Variants in MBD5 observed in about 807,000 individuals in gnomAD.
MBD5 encodes methyl-CpG-binding domain protein 5.
MBD5 carries 13 observed loss-of-function variants against 117.3 expected under a neutral mutation model. The observed-to-expected ratio is 0.11, with a 90% CI of 0.07 to 0.18. The LOEUF (loss-of-function observed/expected upper bound fraction) is 0.18. Ranked by LOEUF, MBD5 falls within the 10% of genes least tolerant of loss-of-function variation. The pLI is 1.00. For synonymous variants in MBD5, 727 were observed against 766.4 expected (o/e 0.95, Z 0.85); for missense variants, 1,879 against 2,093.8 (o/e 0.90, Z 2.00).
chr2:148,403,731 A>T (rs1176044698), intron 4 of MBD5, among the ~76,000 whole-genome samples: 4 of 152,042 alleles, frequency 2.6e-5, no homozygotes, highest in Non-Finnish European at 4.4e-5. Context: ...GATTTTCCCA[A>T]ATCTACCTGC....
chr2:148,200,514 A>T (rs1338937619), intron 2 of MBD5, among the ~76,000 whole-genome samples: 1 of 151,712 alleles, frequency 6.6e-6, no homozygotes, highest in Non-Finnish European at 1.5e-5. Context: ...ACACAGTGAA[A>T]CTCCATCTCT....
chr2:148,494,359 G>C (rs966039646), intron 11 of MBD5, among the ~76,000 whole-genome samples: 1 of 151,896 alleles, frequency 6.6e-6, no homozygotes, highest in South Asian at 2.1e-4. Context: ...ACTTGAAAGC[G>C]TTTTAAAGCA....
intron 4 of MBD5, among the ~76,000 whole-genome samples, chr2:148,444,632 G>T (rs541043553): frequency 3.2e-4 from 49 of 151,178 alleles, no homozygotes; most frequent in Non-Finnish European, 5.1e-4. Context: ...CGAAGTTTCA[G>T]GTCTCCCACT....
chr2:148,364,792 C>G (rs1033963406), intron 4 of MBD5, among the ~76,000 whole-genome samples: 7 of 152,196 alleles, frequency 4.6e-5, no homozygotes, highest in Non-Finnish European at 1.0e-4. Flanking sequence ...GAAGAGCTAA[C>G]TATCCTAAAT....
intron 1 of MBD5, among the ~76,000 whole-genome samples, chr2:148,178,499 C>T (rs1469228702): frequency 6.6e-6 from 1 of 152,136 alleles, no homozygotes; most frequent in Non-Finnish European, 1.5e-5. Flanking sequence ...TTACGTTCCA[C>T]AAAATATTCT....
At position 148,483,875 on chromosome 2, in the gene MBD5, A is replaced by G. The variant is rs1342684867; in HGVS notation, c.3284A>G (p.Asn1095Ser). The G allele has an allele frequency of 3.1e-5, 48 of 1,550,452 alleles. No individual in the cohort carries two copies. The highest frequency in any genetic ancestry group is 4.1e-5 in the Non-Finnish European group (47 of 1,146,980). ...LNPQLLGGVLNSASANTANHP... is the reference protein window; with the variant it reads ...LNPQLLGGVLSSASANTANHP... ...CCCCAGCTGTTGGGAGGTGTCCTGA[A>G]CTCGGCATCGGCCAACACCGCTAAT... Residue 1095 changes from asparagine to serine, a missense_variant, in exon 9 of 14, where the codon AAC becomes AGC. Coordinates refer to ENST00000642680, the MANE Select transcript of MBD5 (RefSeq NM_001378120.1).
intron 4 of MBD5, among the ~76,000 whole-genome samples, chr2:148,422,395 C>T (rs574339517): frequency 1.3e-5 from 2 of 152,274 alleles, no homozygotes; most frequent in African/African-American, 4.8e-5. Context: ...TCAACATCAA[C>T]AAAAAGGAAA....
intron 4 of MBD5, among the ~76,000 whole-genome samples, chr2:148,417,111 A>G (rs1254105944): frequency 2.0e-5 from 3 of 151,932 alleles, no homozygotes. Flanking sequence ...ATGTGCAGGT[A>G]TCTTCTTGAC....
chr2:148,176,590 G>T (rs142096703), intron 1 of MBD5, among the ~76,000 whole-genome samples: 5,744 of 151,756 alleles, frequency 0.038, 121 homozygotes, highest in Middle Eastern at 0.068. Context: ...TGTATTTTTA[G>T]TAGAGACAGG....
chr2:148,326,581 C>G (rs1702458841), intron 3 of MBD5, among the ~76,000 whole-genome samples: 1 of 152,092 alleles, frequency 6.6e-6, no homozygotes, highest in Non-Finnish European at 1.5e-5. Flanking sequence ...ATCCCTTTAC[C>G]ATTGAGTAAT....
chr2:148,113,947 A>G (rs960412330), intron 1 of MBD5, among the ~76,000 whole-genome samples: 1 of 152,094 alleles, frequency 6.6e-6, no homozygotes, highest in Admixed American at 6.5e-5. Flanking sequence ...CTTTTCATCA[A>G]CAGTATATTG....
At chr2:148,359,051 C>G (rs1703458285) in intron 4 of MBD5, among the ~76,000 whole-genome samples, 3 of 151,706 alleles carry the variant, frequency 2.0e-5, no homozygotes, top group African/African-American at 7.3e-5. Context: ...CACCTGAGGT[C>G]AGGAGTTCAA....
chr2:148,230,057 G>A (rs1699944870), intron 2 of MBD5, among the ~76,000 whole-genome samples: 1 of 152,160 alleles, frequency 6.6e-6, no homozygotes. Context: ...CTGGGCTTCA[G>A]CCTGTGTTCA....
At chr2:148,123,702 G>C (rs1186527587) in intron 1 of MBD5, among the ~76,000 whole-genome samples, 1 of 152,190 alleles carries the variant, frequency 6.6e-6, no homozygotes, top group Non-Finnish European at 1.5e-5. Flanking sequence ...ATTCTGAATA[G>C]TTATGAGTTG....
chr2:148,380,191 T>C (rs1259706718), intron 4 of MBD5, among the ~76,000 whole-genome samples: 1 of 152,168 alleles, frequency 6.6e-6, no homozygotes, highest in Non-Finnish European at 1.5e-5. Context: ...TTATAAGCCT[T>C]TTTGTCCACT....
chr2:148,219,774 C>T (rs1228776247), intron 2 of MBD5, among the ~76,000 whole-genome samples: 11 of 152,168 alleles, frequency 7.2e-5, no homozygotes, highest in Non-Finnish European at 1.5e-4. Context: ...TACCTAACTT[C>T]ACATTATCCT....
intron 4 of MBD5, among the ~76,000 whole-genome samples, chr2:148,451,014 A>C (rs928351760): frequency 6.6e-6 from 1 of 152,126 alleles, no homozygotes; most frequent in Non-Finnish European, 1.5e-5. Flanking sequence ...ACTTTCCTAC[A>C]TCATTATGAT....
intron 9 of MBD5, 147 bp downstream of exon 9, chr2:148,484,282 A>G: frequency 1.5e-6 from 1 of 655,198 alleles, no homozygotes; most frequent in Non-Finnish European, 2.5e-6. Context: ...ATATAACAAC[A>G]CCCACACACA....
chr2:148,427,642 G>A (rs1286181410), intron 4 of MBD5, among the ~76,000 whole-genome samples: 2 of 151,986 alleles, frequency 1.3e-5, no homozygotes, highest in African/African-American at 2.4e-5. Context: ...CCTGTTGTGG[G>A]ATGGGGGCAG....
Sources: allele counts gnomAD v4.1 joint callset (sites outside exome capture counted in the v4.1 genomes callset), GRCh38; gene constraint gnomAD v4.1.1; transcripts MANE v1.5; gene names NCBI Gene and HGNC (gene_info 2026-07-23, HGNC 2026-07-21).